Variants in MAPRE2 observed in about 807,000 individuals in gnomAD.
The protein encoded by MAPRE2 is microtubule-associated protein RP/EB family member 2.
In MAPRE2, 13 loss-of-function variants were observed where a neutral mutation model predicts 43.2. The observed-to-expected ratio is 0.30, with a 90% CI of 0.20 to 0.48. MAPRE2 has a LOEUF of 0.48. Ranked by LOEUF, MAPRE2 falls within the 20% of genes least tolerant of loss-of-function variation. The probability of loss-of-function intolerance (pLI) is 0.99; values close to 1 mark genes in which losing one functional copy is unlikely to be tolerated. For missense variants in MAPRE2, 161 were observed against 400.2 expected (o/e 0.40, Z 5.10); for synonymous variants, 135 against 148.8 (o/e 0.91, Z 0.68).
At chr18:35,113,158 GATAAAAACCCC>G (rs1335831445) in intron 4 of MAPRE2, among the ~76,000 whole-genome samples, 1 of 152,168 alleles carries the variant, frequency 6.6e-6, no homozygotes, top group African/African-American at 2.4e-5. Context: ...CTCTTATGAT[GATAAAAACCCC>G]AGCATAAAAT....
rs1208596174 is a variant in MAPRE2, at chr18:35,141,689, C to T, written c.*1320C>T. 1 of 151,904 alleles carries T rather than the reference C, an allele frequency of 6.6e-6. No homozygotes were observed. Among genetic ancestry groups the T allele is most frequent in the African/African-American group, 2.4e-5 (1 of 41,332 alleles). The allele number at this position is 151,904 out of a possible 1,614,324, so 9.4% of individuals were successfully genotyped here. A position where few individuals can be genotyped will look rare whatever the true frequency, so the allele number is the denominator to read the frequency against. On this transcript the variant is annotated 3_prime_UTR_variant, in exon 7 of 7. Coordinates refer to ENST00000300249, the MANE Select transcript of MAPRE2 (RefSeq NM_014268.4). ...TCTTTATTTTTATTTTTTCCTTTGA[C>T]AGATGGTATCCCTTCCTGGATCATT...
chr18:35,104,396 ATAG>A (rs1908812318), intron 4 of MAPRE2, among the ~76,000 whole-genome samples: 1 of 151,972 alleles, frequency 6.6e-6, no homozygotes, highest in Non-Finnish European at 1.5e-5. Flanking sequence ...GAAAAGAGTG[ATAG>A]TAGCTTCAGG....
At chr18:35,034,338 T>C (rs2097049363) in intron 2 of MAPRE2, among the ~76,000 whole-genome samples, 1 of 152,204 alleles carries the variant, frequency 6.6e-6, no homozygotes, top group Admixed American at 6.5e-5. Context: ...ACTGGATCCC[T>C]TCCTTACACC....
intron 1 of MAPRE2, among the ~76,000 whole-genome samples, chr18:35,044,293 C>T (rs934743882): frequency 6.6e-6 from 1 of 152,234 alleles, no homozygotes; most frequent in African/African-American, 2.4e-5. Context: ...TGTAATGGCG[C>T]AATCTCTGCT....
intron 1 of MAPRE2, among the ~76,000 whole-genome samples, chr18:35,047,884 T>C (rs761714081): frequency 2.6e-5 from 4 of 152,192 alleles, no homozygotes; most frequent in African/African-American, 7.2e-5. Context: ...CTTTGAGTGA[T>C]GGTGTCCTCT....
At chr18:35,050,238 TAAATA>T (rs2150604612) in intron 1 of MAPRE2, among the ~76,000 whole-genome samples, 1 of 152,330 alleles carries the variant, frequency 6.6e-6, no homozygotes, top group South Asian at 2.1e-4. Flanking sequence ...TTTTTAAAAT[TAAATA>T]AGTTTCAGTT....
chr18:35,130,446 C>T (rs1304682379), intron 5 of MAPRE2, among the ~76,000 whole-genome samples: 1 of 152,226 alleles, frequency 6.6e-6, no homozygotes. Context: ...CCTGAATCTA[C>T]AGGATGGATA....
chr18:35,116,458 T>C (rs1245885506), intron 4 of MAPRE2, among the ~76,000 whole-genome samples: 1 of 152,190 alleles, frequency 6.6e-6, no homozygotes, highest in African/African-American at 2.4e-5. Flanking sequence ...GGTTATCTGT[T>C]TTAGGATCTC....
intron 2 of MAPRE2, among the ~76,000 whole-genome samples, chr18:35,010,614 G>A (rs559660581): frequency 2.8e-4 from 42 of 152,274 alleles, no homozygotes; most frequent in African/African-American, 9.4e-4. Context: ...AGACTTCTGA[G>A]AATTAAATGA....
At chr18:35,065,047 C>T (rs548406059) in intron 1 of MAPRE2, among the ~76,000 whole-genome samples, 1 of 152,302 alleles carries the variant, frequency 6.6e-6, no homozygotes, top group East Asian at 1.9e-4. Flanking sequence ...GTAATCCCAG[C>T]ACTTTGGGAG....
At chr18:34,977,564 G>A (rs527841171) in intron 1 of MAPRE2, among the ~76,000 whole-genome samples, 1 of 152,322 alleles carries the variant, frequency 6.6e-6, no homozygotes, top group South Asian at 2.1e-4. Context: ...CTTGGGGGCA[G>A]ATCAGGAAGT....
chr18:35,049,126 G>A (rs1283368470), intron 1 of MAPRE2, among the ~76,000 whole-genome samples: 1 of 152,112 alleles, frequency 6.6e-6, no homozygotes, highest in Non-Finnish European at 1.5e-5. Context: ...AGCCCTGGGA[G>A]GTAATTTGTC....
chr18:35,062,405 T>C (rs1906577889), intron 1 of MAPRE2, among the ~76,000 whole-genome samples: 1 of 152,258 alleles, frequency 6.6e-6, no homozygotes, highest in African/African-American at 2.4e-5. Context: ...TACTTAGAAA[T>C]GTTTACAAAA....
At chr18:35,054,174 T>C (rs940658450) in intron 1 of MAPRE2, among the ~76,000 whole-genome samples, 3 of 152,136 alleles carry the variant, frequency 2.0e-5, no homozygotes, top group Admixed American at 1.3e-4. Context: ...GAAGAAATTG[T>C]CTCAAGTAAA....
intron 2 of MAPRE2, among the ~76,000 whole-genome samples, chr18:35,092,450 C>T (rs1569000388): frequency 6.6e-6 from 1 of 152,084 alleles, no homozygotes; most frequent in Non-Finnish European, 1.5e-5. Flanking sequence ...TTACCACATA[C>T]AAAAATCAAC....
rs906100705 is a variant in MAPRE2, at chr18:35,074,310, T to C, written c.250+3988T>C. 2.0e-5 allele frequency among the ~76,000 whole-genome samples: 3 copies of C among 152,132 alleles called. No homozygotes were observed. The East Asian group carries it at 5.8e-4, about 29-fold the overall frequency. ...GGGAATTTTTTTTTCATTTTTTGCT[T>C]TAGTACTAGCTCAAACTAATTTACT... On this transcript the variant is annotated intron_variant, in intron 2 of 6. Transcript: ENST00000300249.
At chr18:35,082,174 C>T (rs991138128) in intron 2 of MAPRE2, 10 of 110,436 alleles carry the variant, frequency 9.1e-5, no homozygotes, top group Non-Finnish European at 3.2e-5. Context: ...CCTGTAGTCC[C>T]AGCTACTTGG....
intron 2 of MAPRE2, among the ~76,000 whole-genome samples, chr18:35,026,189 T>G (rs1415650902): frequency 6.6e-6 from 1 of 152,082 alleles, no homozygotes; most frequent in African/African-American, 2.4e-5. Flanking sequence ...AGGACATACC[T>G]GTCCCCCTGT....
upstream of MAPRE2, among the ~76,000 whole-genome samples, chr18:35,039,220 A>G (rs759984522): frequency 1.3e-5 from 2 of 152,252 alleles, no homozygotes; most frequent in African/African-American, 2.4e-5. Context: ...GTGCCTTTCA[A>G]TTTCAGACTG....
Sources: gnomAD v4.1 joint callset for allele counts (sites outside exome capture counted in the v4.1 genomes callset) on GRCh38, gnomAD v4.1.1 for gene constraint, MANE v1.5 for transcripts, NCBI Gene and HGNC (gene_info 2026-07-23, HGNC 2026-07-21) for gene names.